The following CNTNAP5 variants were observed in gnomAD, a reference collection of about 807,000 sequenced individuals.
CNTNAP5 encodes the protein contactin associated protein family member 5, also known as contactin-associated protein-like 5.
CNTNAP5 carries 72 observed loss-of-function variants against 150.2 expected under a neutral mutation model. The ratio of observed to expected loss-of-function variants is 0.48; its 90% confidence interval spans 0.40 to 0.58. The LOEUF is 0.58. Among genes scored for constraint, CNTNAP5 ranks in the 20% least tolerant of loss-of-function variants. The pLI is 0.00. For synonymous variants in CNTNAP5, 672 were observed against 619.8 expected (o/e 1.08, Z -1.25); for missense variants, 1,636 against 1,626.2 (o/e 1.01, Z -0.10).
At chr2:124,414,446 G>A (rs1041441818) in intron 3 of CNTNAP5, among the ~76,000 whole-genome samples, 1 of 152,094 alleles carries the variant, frequency 6.6e-6, no homozygotes, top group Admixed American at 6.5e-5. Context: ...TCTCAGAACT[G>A]TGAGACCTTG....
intron 16 of CNTNAP5, among the ~76,000 whole-genome samples, chr2:124,766,438 G>T (rs745430065): frequency 1.3e-4 from 19 of 151,870 alleles, no homozygotes; most frequent in Non-Finnish European, 2.4e-4. Context: ...AGATGACAGA[G>T]GTGTTTAAGT....
At chr2:124,768,725 G>T (rs1195620894) in intron 16 of CNTNAP5, among the ~76,000 whole-genome samples, 1 of 152,002 alleles carries the variant, frequency 6.6e-6, no homozygotes, top group East Asian at 1.9e-4. Flanking sequence ...CTGACTCCTT[G>T]CAGCAACCCC....
intron 3 of CNTNAP5, among the ~76,000 whole-genome samples, chr2:124,415,183 C>T (rs2104774768): frequency 6.6e-6 from 1 of 152,254 alleles, no homozygotes; most frequent in South Asian, 2.1e-4. Flanking sequence ...AGCCATTCTC[C>T]ATCTGGATAA....
chr2:124,414,540 T>C (rs545547695), intron 3 of CNTNAP5, among the ~76,000 whole-genome samples: 8 of 152,136 alleles, frequency 5.3e-5, no homozygotes, highest in Non-Finnish European at 1.2e-4. Context: ...ACTGTGAGAT[T>C]GCAATACTAA....
chr2:124,148,868 A>G (rs1684329741), intron 1 of CNTNAP5, among the ~76,000 whole-genome samples: 2 of 151,788 alleles, frequency 1.3e-5, no homozygotes, highest in South Asian at 4.1e-4. Context: ...AGAGAGGTGT[A>G]TATATATACA....
At chr2:124,112,015 G>A (rs1683310083) in intron 1 of CNTNAP5, among the ~76,000 whole-genome samples, 1 of 152,182 alleles carries the variant, frequency 6.6e-6, no homozygotes, top group Non-Finnish European at 1.5e-5. Context: ...ATCTATGCAA[G>A]TTTGCTGGAA....
At chr2:124,152,763 C>G (rs1271320054) in intron 1 of CNTNAP5, among the ~76,000 whole-genome samples, 1 of 152,130 alleles carries the variant, frequency 6.6e-6, no homozygotes, top group Admixed American at 6.6e-5. Flanking sequence ...GACAAGCAAG[C>G]ATCTAAATTT....
At chr2:124,794,492 C>A (rs1681802683) in intron 18 of CNTNAP5, among the ~76,000 whole-genome samples, 1 of 152,122 alleles carries the variant, frequency 6.6e-6, no homozygotes. Flanking sequence ...AATAATGCTA[C>A]AATAAACACA....
intron 21 of CNTNAP5, among the ~76,000 whole-genome samples, chr2:124,888,752 A>G (rs1055291442): frequency 6.6e-6 from 1 of 152,082 alleles, no homozygotes; most frequent in Non-Finnish European, 1.5e-5. Flanking sequence ...CTTTTAAGAA[A>G]TGTCTGATCA....
At chr2:124,674,507 TTCTCTTTCTTTCTTTCTTTC>T (rs1431232117) in intron 13 of CNTNAP5, among the ~76,000 whole-genome samples, 1 of 65,558 alleles carries the variant, frequency 1.5e-5, no homozygotes, top group African/African-American at 3.9e-5. Flanking sequence ...CTTTCTTTCT[TTCTCTTTCTTTCTTTCTTTC>T]TTTCTTTCTT....
intron 1 of CNTNAP5, among the ~76,000 whole-genome samples, chr2:124,039,669 G>C (rs1681314022): frequency 6.6e-6 from 1 of 151,914 alleles, no homozygotes; most frequent in African/African-American, 2.4e-5. Context: ...GTTTACTTCG[G>C]GTGCCATTCA....
chr2:124,771,214 C>A (rs138210230), intron 16 of CNTNAP5, among the ~76,000 whole-genome samples: 1 of 152,078 alleles, frequency 6.6e-6, no homozygotes, highest in Admixed American at 6.6e-5. Flanking sequence ...CAAATAAATA[C>A]CCATTTCCTA....
chr2:124,212,890 G>A (rs1487277495), intron 1 of CNTNAP5, among the ~76,000 whole-genome samples: 9 of 128,310 alleles, frequency 7.0e-5, no homozygotes, highest in South Asian at 2.5e-4. Context: ...CCAGGCTAGC[G>A]TGCAATGGCG....
chr2:124,269,712 C>T (rs1405814728), intron 3 of CNTNAP5, among the ~76,000 whole-genome samples: 2 of 152,158 alleles, frequency 1.3e-5, no homozygotes, highest in Non-Finnish European at 2.9e-5. Context: ...TGGTAGCTGG[C>T]TGCAGGATCT....
intron 11 of CNTNAP5, among the ~76,000 whole-genome samples, chr2:124,600,788 G>T: frequency 7.1e-6 from 1 of 140,244 alleles, no homozygotes; most frequent in South Asian, 2.5e-4. Context: ...AAAGAGAGAA[G>T]CAAAAACCAC....
At chr2:124,201,534 A>T (rs1418302189) in intron 1 of CNTNAP5, among the ~76,000 whole-genome samples, 1 of 152,264 alleles carries the variant, frequency 6.6e-6, no homozygotes, top group Non-Finnish European at 1.5e-5. Flanking sequence ...ATTCAAGGGT[A>T]TACATCTAAA....
chr2:124,627,397 G>A (rs888396720), intron 12 of CNTNAP5, among the ~76,000 whole-genome samples: 4 of 152,128 alleles, frequency 2.6e-5, no homozygotes, highest in African/African-American at 9.7e-5. Flanking sequence ...AACCTTTGCT[G>A]TTCTGCAGCT....
intron 3 of CNTNAP5, among the ~76,000 whole-genome samples, chr2:124,283,699 A>C (rs1218486711): frequency 1.3e-5 from 2 of 152,198 alleles, no homozygotes; most frequent in African/African-American, 4.8e-5. Context: ...GTGACTTATA[A>C]GCAATATATT....
intron 1 of CNTNAP5, among the ~76,000 whole-genome samples, chr2:124,033,303 G>C (rs1159371710): frequency 6.6e-6 from 1 of 152,156 alleles, no homozygotes; most frequent in Non-Finnish European, 1.5e-5. Flanking sequence ...TCCACCTTTA[G>C]AAGCAGAAAT....
Sources: allele counts gnomAD v4.1 joint callset (sites outside exome capture counted in the v4.1 genomes callset), GRCh38; gene constraint gnomAD v4.1.1; transcripts MANE v1.5; gene names NCBI Gene and HGNC (gene_info 2026-07-23, HGNC 2026-07-21).